Variants in DOCK1 observed in about 807,000 individuals in gnomAD.
DOCK1 encodes dedicator of cytokinesis protein 1.
In DOCK1, 138 loss-of-function variants were observed where a neutral mutation model predicts 262.7. The ratio of observed to expected loss-of-function variants is 0.53; its 90% CI spans 0.46 to 0.61. The LOEUF (loss-of-function observed/expected upper bound fraction) is 0.61, where lower values mean the gene tolerates loss of function less well. Among genes scored for constraint, DOCK1 ranks in the 20% least tolerant of loss-of-function variants. DOCK1 has a pLI of 0.00. For synonymous variants in DOCK1, 866 were observed against 867.4 expected (o/e 1.00, Z 0.03); for missense variants, 1,908 against 2,370.7 (o/e 0.80, Z 4.05).
At position 127,004,642 on chromosome 10, in the gene DOCK1, A is replaced by G. The variant is rs190864227; in HGVS notation, c.986-4090A>G. ...CTTGCACCTGTGGTCCCAGCTACTC[A>G]AGAGGCTGAGGTGGGGGGATCACCT... On this transcript the variant is annotated intron_variant, in intron 10 of 51. Coordinates refer to ENST00000623213, the MANE Select transcript of DOCK1 (RefSeq NM_001290223.2). Among the ~76,000 whole-genome samples, 962 of 152,044 alleles carry G rather than the reference A, an allele frequency of 6.3e-3. 14 individuals carry two copies. Among genetic ancestry groups the G allele is most frequent in the African/African-American group, 0.022 (916 of 41,494 alleles).
intron 44 of DOCK1, among the ~76,000 whole-genome samples, chr10:127,417,607 C>T (rs1187446894): frequency 5.9e-5 from 9 of 152,166 alleles, no homozygotes; most frequent in African/African-American, 2.2e-4. Flanking sequence ...TTTGGAGTCT[C>T]ACTCTGTTGC....
At chr10:127,361,377 G>C (rs2133923062) in intron 32 of DOCK1, among the ~76,000 whole-genome samples, 1 of 152,234 alleles carries the variant, frequency 6.6e-6, no homozygotes, top group South Asian at 2.1e-4. Context: ...GCCTCCCAAA[G>C]TGCTGGGATT....
At chr10:127,026,219 G>A in intron 15 of DOCK1, 133 bp from the exon 16 acceptor site, 1 of 871,568 alleles carries the variant, frequency 1.1e-6, no homozygotes, top group Non-Finnish European at 1.8e-6. Flanking sequence ...TCATATAGGG[G>A]ACTAGGTGTA....
intron 29 of DOCK1, among the ~76,000 whole-genome samples, chr10:127,332,122 C>T (rs919334313): frequency 1.3e-5 from 2 of 152,198 alleles, no homozygotes; most frequent in East Asian, 1.9e-4. Flanking sequence ...GCATCCAGCA[C>T]GTCACTCTGT....
In DOCK1 at chr10:127,384,854, G is replaced by C; in HGVS notation, c.3872G>C (p.Gly1291Ala). 1 of 1,609,474 alleles carries C rather than the reference G, an allele frequency of 6.2e-7. No homozygotes were observed. Among genetic ancestry groups the C allele is most frequent in the Non-Finnish European group, 8.5e-7 (1 of 1,178,618 alleles). The change falls in exon 38 of 52, where the codon GGA becomes GCA. Residue 1291 changes from glycine to alanine, a missense_variant. Around this residue, in one of 9 missense-constraint regions of DOCK1, gnomAD observed 267 missense variants for 366.3 expected, o/e 0.73. Coordinates refer to ENST00000623213, the MANE Select transcript of DOCK1 (RefSeq NM_001290223.2). ...QRDGYQATTQ[G>A]QLKEQLYQEI... ...GACGGGTACCAGGCCACCACGCAGG[G>C]ACAGCTGAAGGAGCAGCTCTACCAG...
At chr10:126,934,754 T>G (rs2034446060) in intron 1 of DOCK1, among the ~76,000 whole-genome samples, 1 of 103,484 alleles carries the variant, frequency 9.7e-6, no homozygotes, top group Admixed American at 1.1e-4. Context: ...CGAGTTTTTT[T>G]TTTTTTTTTT....
chr10:127,353,698 C>A (rs772156655), intron 31 of DOCK1, among the ~76,000 whole-genome samples: 1 of 152,234 alleles, frequency 6.6e-6, no homozygotes, highest in Non-Finnish European at 1.5e-5. Context: ...CGCACCACAG[C>A]AGAGCTGCCA....
At chr10:126,934,397 A>G (rs2034404311) in intron 1 of DOCK1, among the ~76,000 whole-genome samples, 13 of 152,214 alleles carry the variant, frequency 8.5e-5, no homozygotes. Context: ...CCCCGACACC[A>G]CTGGGGCTCT....
At chr10:127,180,584 A>T (rs940542063) in intron 27 of DOCK1, among the ~76,000 whole-genome samples, 7 of 152,218 alleles carry the variant, frequency 4.6e-5, no homozygotes, top group African/African-American at 1.7e-4. Context: ...TGAGCTGTAA[A>T]TACATAAACC....
intron 1 of DOCK1, among the ~76,000 whole-genome samples, chr10:126,937,957 T>C (rs1205751615): frequency 2.0e-5 from 3 of 152,186 alleles, no homozygotes; most frequent in African/African-American, 7.2e-5. Context: ...CCCTGTTTCC[T>C]GCTAAGAGTT....
Position 126,913,123 on chromosome 10 carries a change from A to C in DOCK1, c.46+7560A>C, listed in dbSNP as rs551946089. ...TCCTTGTAATCAAATTAGTGACAGAACAATGCAATCAGGTAGTTTGAGATC... is the reference window on the plus strand; with the variant it reads ...TCCTTGTAATCAAATTAGTGACAGACCAATGCAATCAGGTAGTTTGAGATC... On this transcript the variant is annotated intron_variant, in intron 1 of 51. Transcript: ENST00000623213. 1.0e-3 allele frequency among the ~76,000 whole-genome samples: 159 copies of C among 152,284 alleles called. 4 individuals are homozygous for C. The highest frequency in any genetic ancestry group is 6.8e-3 in the Middle Eastern group (2 of 294).
In DOCK1 at chr10:127,305,384, C is replaced by T. The variant is rs1460976549; in HGVS notation, c.3045-33622C>T. 3.9e-5 allele frequency among the ~76,000 whole-genome samples: 6 copies of T among 152,176 alleles called. No homozygotes were observed. The South Asian group carries it at 1.0e-3, about 26-fold the overall frequency. On this transcript the variant is annotated intron_variant, in intron 29 of 51. Transcript: ENST00000623213. ...TCACTGGTCAGTGGTCAGTGTATCC[C>T]GAGGCATTGCAAATCCTCGCTTATC...
intron 27 of DOCK1, among the ~76,000 whole-genome samples, chr10:127,164,077 C>T (rs765560965): frequency 5.4e-5 from 8 of 146,818 alleles, no homozygotes; most frequent in South Asian, 2.4e-4. Context: ...ACCTGGGTGG[C>T]GTCCCAGGGG....
At position 127,446,618 on chromosome 10, in the gene DOCK1, G is replaced by T. The variant is rs1335341482; in HGVS notation, c.5414-776G>T. Among the ~76,000 whole-genome samples the T allele has an allele frequency of 6.6e-6, 1 of 152,106 alleles. No homozygotes were observed. Among genetic ancestry groups the T allele is most frequent in the Non-Finnish European group, 1.5e-5 (1 of 68,026 alleles). ...TCCTAGCATGCATTTTCCTAATAAA[G>T]GATTTTTCATCAGATGAATCCTAGG... is the stretch of plus-strand genomic sequence containing the variant. On this transcript the variant is annotated intron_variant, in intron 50 of 51. Transcript: ENST00000623213. The surrounding 1 kb of genome is among the most constrained non-coding windows in gnomAD (Gnocchi z 4.4).
At chr10:127,025,531 C>T (rs903556478) in intron 15 of DOCK1, among the ~76,000 whole-genome samples, 3 of 152,124 alleles carry the variant, frequency 2.0e-5, no homozygotes, top group Non-Finnish European at 2.9e-5. Context: ...ACTGCAACCT[C>T]CACTTCCTGG....
At chr10:127,180,732 G>C (rs890140834) in intron 27 of DOCK1, among the ~76,000 whole-genome samples, 1 of 152,114 alleles carries the variant, frequency 6.6e-6, no homozygotes, top group African/African-American at 2.4e-5. Flanking sequence ...AAACAGTTAA[G>C]TAAATTATGG....
chr10:127,177,440 C>T (rs577615785), intron 27 of DOCK1, among the ~76,000 whole-genome samples: 65 of 152,330 alleles, frequency 4.3e-4, no homozygotes, highest in African/African-American at 1.4e-3. Context: ...TTGATGGCTG[C>T]GCTTAAAGCA....
At chr10:127,107,915 G>T (rs762972402) in intron 24 of DOCK1, among the ~76,000 whole-genome samples, 2 of 152,162 alleles carry the variant, frequency 1.3e-5, no homozygotes, top group Non-Finnish European at 2.9e-5. Context: ...CTCAGTTTGC[G>T]CTTGAGCCGG....
At chr10:126,979,416 A>G (rs971279613) in intron 3 of DOCK1, among the ~76,000 whole-genome samples, 2 of 152,174 alleles carry the variant, frequency 1.3e-5, no homozygotes, top group Non-Finnish European at 2.9e-5. Context: ...GCTGCAGTTG[A>G]AACCTTTAGT....
Sources: gnomAD v4.1 joint callset for allele counts (sites outside exome capture counted in the v4.1 genomes callset) on GRCh38, gnomAD v4.1.1 for gene constraint, gnomAD v4.1.1 regional missense constraint, Gnocchi (gnomAD v3.1) non-coding constraint, MANE v1.5 for transcripts, NCBI Gene and HGNC (gene_info 2026-07-23, HGNC 2026-07-21) for gene names.